The following GDF9 variants were observed in gnomAD, a reference collection of about 807,000 sequenced individuals.
GDF9 encodes the protein growth/differentiation factor 9.
A neutral mutation model predicts 33.8 loss-of-function variants in GDF9; 30 were observed. The ratio of observed to expected loss-of-function variants is 0.89; its 90% CI spans 0.66 to 1.20. The LOEUF (loss-of-function observed/expected upper bound fraction) is 1.20, where lower values mean the gene tolerates loss of function less well. Ranked by LOEUF, GDF9 falls within the 50% of genes most tolerant of loss-of-function variation. The probability of loss-of-function intolerance (pLI) is 0.00; values close to 1 mark genes in which losing one functional copy is unlikely to be tolerated. For missense variants in GDF9, 556 were observed against 543.7 expected, an observed-to-expected ratio of 1.02 and a Z score of -0.22; for synonymous variants, 205 against 200.7, an observed-to-expected ratio of 1.02 and a Z score of -0.18.
rs1470906900 is a variant in GDF9 at position 132,861,720 on chromosome 5, A to C, written c.1234T>G (p.Ser412Ala). The change falls in exon 2 of 2, where the codon TCC becomes GCC. Residue 412 changes from serine to alanine, a missense_variant. Transcript: ENST00000687138. ...VQNIIYEKLD[S>A]SVPRPSCVPA... ...ACACATGACGGTCTTGGCACTGAGGAGTCCAGCTTCTCATAGATGATGTTC... is the reference window on the plus strand; with the variant it reads ...ACACATGACGGTCTTGGCACTGAGGCGTCCAGCTTCTCATAGATGATGTTC... The C allele has an allele frequency of 1.9e-6, 3 of 1,613,152 alleles. No homozygotes were observed. In the East Asian group the frequency reaches 6.7e-5, roughly 36 times the overall value.
At chr5:132,862,939 C>A (rs753310592) in intron 1 of GDF9, among the ~76,000 whole-genome samples, 3 of 152,186 alleles carry the variant, frequency 2.0e-5, no homozygotes, top group Non-Finnish European at 2.9e-5. Flanking sequence ...ACTGATCCTC[C>A]CACCTTAGCC....
intron 1 of GDF9, among the ~76,000 whole-genome samples, chr5:132,863,201 T>C (rs1413740745): frequency 6.6e-6 from 1 of 152,210 alleles, no homozygotes; most frequent in East Asian, 1.9e-4. Context: ...ATTTTTCTCT[T>C]GGATAATCTC....
Position 132,862,456 on chromosome 5 carries a change from A to C in GDF9, c.498T>G (p.Val166=), listed in dbSNP as rs1390353414. The C allele has an allele frequency of 6.2e-7, 1 of 1,614,136 alleles. No individual in the cohort carries two copies. Among genetic ancestry groups the C allele is most frequent in the Non-Finnish European group, 8.5e-7 (1 of 1,180,006 alleles). ...CACATTTGACAGCAGAGGAAAAAGA[A>C]ACTGAGTTGTTGATATTGTACAGCA... ...SVLLYNINNS[V]SFSSAVKCVC... is the part of the protein sequence containing the mutation. The change falls in exon 2 of 2, where the codon GTT becomes GTG. Residue 166 remains valine (V), a synonymous_variant. Transcript: ENST00000687138.
In GDF9 at chr5:132,864,452, A is replaced by C. The variant is rs751423333; in HGVS notation, c.82T>G (p.Ser28Ala). The C allele has an allele frequency of 1.2e-6, 2 of 1,613,756 alleles. No homozygotes were observed. The highest frequency in any genetic ancestry group is 2.7e-5 in the African/African-American group (2 of 74,914). ...CFPISLGSQA[S>A]GGEAQIAASA... is the part of the protein sequence containing the mutation. ...GCAGCAATCTGAGCTTCTCCCCCAG[A>C]AGCCTGAGAACCAAGGCTAATAGGA... Residue 28 changes from serine (S) to alanine (A), a missense_variant, in exon 1 of 2, where the codon TCT becomes GCT. Coordinates refer to ENST00000687138, the MANE Select transcript of GDF9 (RefSeq NM_005260.7).
In GDF9 at chr5:132,864,535, G is replaced by A. The variant is rs763278550; in HGVS notation, c.-2C>T. 1.9e-6 allele frequency: 3 copies of A among 1,604,916 alleles called. No homozygotes were observed. The highest frequency in any genetic ancestry group is 2.5e-6 in the Non-Finnish European group (3 of 1,179,898). ...GAGGAATTTGTTGGGACGTGCCATGGCTTGGGAGAACTAGTGAGGAACATA... is the reference window on the plus strand; with the variant it reads ...GAGGAATTTGTTGGGACGTGCCATGACTTGGGAGAACTAGTGAGGAACATA... On this transcript the variant is annotated 5_prime_UTR_variant, in exon 1 of 2. Coordinates refer to ENST00000687138, the MANE Select transcript of GDF9 (RefSeq NM_005260.7).
rs1759332196 is a variant in GDF9, at chr5:132,862,474, G to A, written c.480C>T (p.Tyr160=). The A allele has an allele frequency of 6.2e-7, 1 of 1,613,388 alleles. No individual in the cohort carries two copies. Among genetic ancestry groups the A allele is most frequent in the African/African-American group, 1.3e-5 (1 of 74,882 alleles). The change falls in exon 2 of 2, where the codon TAC becomes TAT. Residue 160 remains tyrosine (Y), a synonymous_variant. Coordinates refer to ENST00000687138, the MANE Select transcript of GDF9 (RefSeq NM_005260.7). ...AAAAAGAAACTGAGTTGTTGATATTGTACAGCAAGACTGACTTGAGTAAGT... is the reference window on the plus strand; with the variant it reads ...AAAAAGAAACTGAGTTGTTGATATTATACAGCAAGACTGACTTGAGTAAGT... ...VEHLLKSVLL[Y]NINNSVSFSS...
rs199848349 is a variant in GDF9, at chr5:132,862,059, C to T, written c.895G>A (p.Ala299Thr). The T allele has an allele frequency of 1.9e-6, 3 of 1,613,868 alleles. No individual in the cohort carries two copies. The highest frequency in any genetic ancestry group is 2.5e-6 in the Non-Finnish European group (3 of 1,179,872). The change falls in exon 2 of 2, where the codon GCC becomes ACC. Residue 299 changes from alanine (A) to threonine (T), a missense_variant. Coordinates refer to ENST00000687138, the MANE Select transcript of GDF9 (RefSeq NM_005260.7). Reference sequence around the variant, plus strand: ...GCAGCCTCTTCTCCCACAGGATAGGCAGACAGACTTCTCTCCTGGTCAGGA... The same window carrying T: ...GCAGCCTCTTCTCCCACAGGATAGGTAGACAGACTTCTCTCCTGGTCAGGA... ...QGPDQERSLS[A>T]YPVGEEAAED... is the part of the protein sequence containing the mutation.
rs751421758 is a variant in GDF9 at position 132,862,517 on chromosome 5, C to T, written c.437G>A (p.Arg146His). The change falls in exon 2 of 2, where the codon CGC becomes CAC. Residue 146 changes from arginine (R) to histidine (H), a missense_variant. Arg to His is a conservative substitution (Grantham distance 29). Coordinates refer to ENST00000687138, the MANE Select transcript of GDF9 (RefSeq NM_005260.7). ...GAGTAAGTGTTCAACGGTAGTAATG[C>T]GATCCAGGTTAAATAGCAGTTCCAC... is the stretch of plus-strand genomic sequence containing the variant. ...PSVELLFNLD[R>H]ITTVEHLLKS... The T allele has an allele frequency of 1.2e-5, 19 of 1,609,204 alleles. No homozygotes were observed. In the East Asian group the frequency reaches 3.3e-4, roughly 28 times the overall value.
At chr5:132,863,972 G>A (rs902907568) in intron 1 of GDF9, among the ~76,000 whole-genome samples, 165 bp downstream of exon 1, 7 of 152,272 alleles carry the variant, frequency 4.6e-5, no homozygotes, top group Middle Eastern at 3.4e-3. Context: ...AGAGCGTTAG[G>A]AATAAACAAT....
chr5:132,864,394 C>T lies in GDF9; in HGVS notation c.140G>A (p.Trp47Ter), dbSNP rs770611600. ...SAELESGAMP[W>*]SLLQHIDERD... is the part of the protein sequence containing the mutation. ...CTCATCTATATGCTGCAGCAAGGAC[C>T]AAGGCATAGCCCCAGATTCCAACTC... is the stretch of plus-strand genomic sequence containing the variant. Residue 47 changes from tryptophan (W) to a stop codon, truncating the protein, a stop_gained, in exon 1 of 2, where the codon TGG becomes TAG. Transcript: ENST00000687138. LOFTEE classifies it high-confidence loss of function. 6.8e-6 allele frequency: 11 copies of T among 1,613,778 alleles called. No individual in the cohort carries two copies. The highest frequency in any genetic ancestry group is 9.3e-6 in the Non-Finnish European group (11 of 1,179,900).
At chr5:132,864,080 A>T in intron 1 of GDF9, 57 bp downstream of exon 1, 1 of 1,538,096 alleles carries the variant, frequency 6.5e-7, no homozygotes, top group Admixed American at 1.7e-5. Flanking sequence ...TGTAATTGAA[A>T]TGCAGAAGTG....
rs1411916074 is a variant in GDF9, at chr5:132,861,596, C to T, written c.1358G>A (p.Cys453Tyr). 14 of 1,613,762 alleles carry T rather than the reference C, an allele frequency of 8.7e-6. No individual in the cohort carries two copies. The highest frequency in any genetic ancestry group is 1.2e-5 in the Non-Finnish European group (14 of 1,179,622). The change falls in exon 2 of 2, where the codon TGT (cysteine) becomes TAT (tyrosine). Residue 453 changes from cysteine (C) to tyrosine (Y), a missense_variant. Physicochemically the swap from Cys to Tyr is radical, Grantham distance 194. Transcript: ENST00000687138. Reference sequence around the variant, plus strand: ...TTTTAAGAGGACCATTTGTTAACGACAGGTGCACTTTGTAGCTATCATATC... The same window carrying T: ...TTTTAAGAGGACCATTTGTTAACGATAGGTGCACTTTGTAGCTATCATATC... ...YEDMIATKCT[C>Y]R
rs1199780299 is a variant in GDF9, at chr5:132,861,919, T to C, written c.1035A>G (p.Gln345=). 1.2e-6 allele frequency: 2 copies of C among 1,613,766 alleles called. No homozygotes were observed. Among genetic ancestry groups the C allele is most frequent in the Admixed American group, 1.7e-5 (1 of 60,018 alleles). Residue 345 remains glutamine, a synonymous_variant, in exon 2 of 2, where the codon CAA becomes CAG. Coordinates refer to ENST00000687138, the MANE Select transcript of GDF9 (RefSeq NM_005260.7). ...ASFNLSEYFR[Q]FLLPQNECEL... ...CACACTCATTTTGGGGAAGAAGAAA[T>C]TGTCTGAAGTATTCACTCAGATTGA...
rs1186833259 is a variant in GDF9, at chr5:132,866,296, G to GTCGGCAGGCCCCTTCC, written c.-1779_-1764dup. 1.3e-5 allele frequency: 2 copies of GTCGGCAGGCCCCTTCC among 159,540 alleles called. No individual in the cohort carries two copies. Among genetic ancestry groups the GTCGGCAGGCCCCTTCC allele is most frequent in the Non-Finnish European group, 2.8e-5 (2 of 72,442 alleles). 9.9% of individuals were successfully genotyped at this position (159,540 alleles called of 1,614,324 possible). On this transcript the variant is annotated 5_prime_UTR_variant, in exon 1 of 2. Coordinates refer to ENST00000687138, the MANE Select transcript of GDF9 (RefSeq NM_005260.7). ...GCTCCTGGCCAGCGCTGCCCCGGAG[G>GTCGGCAGGCCCCTTCC]TCGGCAGGCCCCTTCCTCGTCACCT...
chr5:132,862,633 C>T (rs1759348470), intron 1 of GDF9, 77 bp from the exon 2 acceptor site: 1 of 1,048,576 alleles, frequency 9.5e-7, no homozygotes, highest in Non-Finnish European at 1.5e-6. Flanking sequence ...AGAATTAGTA[C>T]TTCATAATAT....
At position 132,862,086 on chromosome 5, in the gene GDF9, C is replaced by G. The variant is rs1396730000; in HGVS notation, c.868G>C (p.Gly290Arg). The G allele has an allele frequency of 1.2e-6, 2 of 1,613,998 alleles. No homozygotes were observed. Among genetic ancestry groups the G allele is most frequent in the African/African-American group, 1.3e-5 (1 of 75,030 alleles). Residue 290 changes from glycine to arginine, a missense_variant, in exon 2 of 2, where the codon GGT (glycine) becomes CGT (arginine). By Grantham distance (125) the Gly-to-Arg change is moderately radical. Transcript: ENST00000687138. ...GACAGACTTCTCTCCTGGTCAGGACCCTGGGAAGGCCTCCTTTTATAGTGA... is the reference window on the plus strand; with the variant it reads ...GACAGACTTCTCTCCTGGTCAGGACGCTGGGAAGGCCTCCTTTTATAGTGA... ...SLHYKRRPSQ[G>R]PDQERSLSAY...
chr5:132,864,111 C>A, intron 1 of GDF9, 26 bp downstream of exon 1: 1 of 1,612,258 alleles, frequency 6.2e-7, no homozygotes, highest in South Asian at 1.1e-5. Flanking sequence ...TCCCTCCACC[C>A]AGTTAACCAA....
At chr5:132,863,667 C>T (rs67519234) in intron 1 of GDF9, among the ~76,000 whole-genome samples, 1 of 151,948 alleles carries the variant, frequency 6.6e-6, no homozygotes, top group Admixed American at 6.6e-5. Flanking sequence ...AGCACCACAC[C>T]CAACTGCTGA....
In GDF9 at chr5:132,861,489, C is replaced by T; in HGVS notation, c.*100G>A. On this transcript the variant is annotated 3_prime_UTR_variant, in exon 2 of 2. Coordinates refer to ENST00000687138, the MANE Select transcript of GDF9 (RefSeq NM_005260.7). The stretch of plus-strand genomic sequence containing the variant: ...GCTCCTCTTTATATAACATATGCTA[C>T]ATTTAGAGACTTAATATATGAAGCT... The T allele has an allele frequency of 7.0e-6, 7 of 999,514 alleles. No individual in the cohort carries two copies. The highest frequency in any genetic ancestry group is 6.4e-6 in the Non-Finnish European group (4 of 622,572). The allele number at this position is 999,514 out of a possible 1,614,324, so 61.9% of individuals were successfully genotyped here. A position where few individuals can be genotyped will look rare whatever the true frequency, so the allele number is the denominator to read the frequency against.
Sources: gnomAD v4.1 joint callset for allele counts (sites outside exome capture counted in the v4.1 genomes callset) on GRCh38, gnomAD v4.1.1 for gene constraint, MANE v1.5 for transcripts, NCBI Gene and HGNC (gene_info 2026-07-23, HGNC 2026-07-21) for gene names.